The following PIP4K2A variants were observed in gnomAD, a reference collection of about 807,000 sequenced individuals.
The protein encoded by PIP4K2A is phosphatidylinositol-5-phosphate 4-kinase type 2 alpha, also known as phosphatidylinositol 5-phosphate 4-kinase type-2 alpha.
A neutral mutation model predicts 42.9 loss-of-function variants in PIP4K2A; 14 were observed. The observed-to-expected ratio is 0.33, with a 90% CI of 0.22 to 0.51. The LOEUF is 0.51. PIP4K2A is among the 20% of genes least tolerant of loss of function. The pLI is 0.97. For synonymous variants in PIP4K2A, 192 were observed against 192.2 expected (o/e 1.00, Z 0.01); for missense variants, 434 against 519.8 (o/e 0.83, Z 1.61).
chr10:22,572,884 G>A (rs887065386), intron 5 of PIP4K2A, among the ~76,000 whole-genome samples: 1 of 152,000 alleles, frequency 6.6e-6, no homozygotes, highest in Non-Finnish European at 1.5e-5. Flanking sequence ...TTTCTCAGGG[G>A]AACCTTCCCT....
chr10:22,702,859 A>G (rs1228313190), intron 1 of PIP4K2A, among the ~76,000 whole-genome samples: 2 of 152,174 alleles, frequency 1.3e-5, no homozygotes. Context: ...ATCTAAACAC[A>G]CTGTTCTAGA....
In PIP4K2A at chr10:22,561,895, C is replaced by T. The variant is rs917532371; in HGVS notation, c.678+5956G>A. Among the ~76,000 whole-genome samples the T allele has an allele frequency of 7.2e-5, 11 of 151,932 alleles. No homozygotes were observed. The South Asian group carries it at 8.3e-4, about 11-fold the overall frequency. On this transcript the variant is annotated intron_variant, in intron 6 of 9. Transcript: ENST00000376573. ...AGAAAGATTGTTCTTTGTACCATAACGATCATTTGGAAAGGAATATAGTTA... is the reference window on the plus strand; with the variant it reads ...AGAAAGATTGTTCTTTGTACCATAATGATCATTTGGAAAGGAATATAGTTA...
At chr10:22,650,908 C>T (rs1838981250) in intron 1 of PIP4K2A, among the ~76,000 whole-genome samples, 1 of 151,870 alleles carries the variant, frequency 6.6e-6, no homozygotes, top group South Asian at 2.1e-4. Context: ...TCCAAGTGGT[C>T]TGGCTCGAGC....
chr10:22,704,959 C>G (rs941095637), intron 1 of PIP4K2A, among the ~76,000 whole-genome samples: 2 of 152,156 alleles, frequency 1.3e-5, no homozygotes, highest in Admixed American at 6.5e-5. Flanking sequence ...CCAGGCAGGG[C>G]AGCCCCTCCA....
intron 4 of PIP4K2A, among the ~76,000 whole-genome samples, chr10:22,580,003 G>GC (rs1837225786): frequency 1.3e-5 from 2 of 151,918 alleles, no homozygotes; most frequent in Non-Finnish European, 2.9e-5. Context: ...CATGACTCAA[G>GC]CAGGGCCAAG....
chr10:22,626,797 C>T (rs1838449862), intron 1 of PIP4K2A, among the ~76,000 whole-genome samples: 1 of 152,010 alleles, frequency 6.6e-6, no homozygotes, highest in Non-Finnish European at 1.5e-5. Context: ...TGTATACTCA[C>T]AAAAAAATAC....
intron 6 of PIP4K2A, among the ~76,000 whole-genome samples, chr10:22,551,198 C>T (rs1258890664): frequency 6.6e-6 from 1 of 152,118 alleles, no homozygotes; most frequent in African/African-American, 2.4e-5. Flanking sequence ...TTTGGGGAGC[C>T]GTTGCTGGGC....
intron 1 of PIP4K2A, among the ~76,000 whole-genome samples, chr10:22,664,214 TATAC>T (rs1401714307): frequency 1.5e-4 from 8 of 52,032 alleles, no homozygotes; most frequent in Non-Finnish European, 2.2e-4. Flanking sequence ...CATATATATA[TATAC>T]ATATATATAT....
chr10:22,625,934 G>T (rs1838426653), intron 1 of PIP4K2A, among the ~76,000 whole-genome samples: 1 of 152,288 alleles, frequency 6.6e-6, no homozygotes, highest in East Asian at 1.9e-4. Flanking sequence ...GTCACAAGAA[G>T]AAAAGGTAGA....
At chr10:22,613,578 G>A (rs1159475109) in intron 1 of PIP4K2A, among the ~76,000 whole-genome samples, 1 of 152,202 alleles carries the variant, frequency 6.6e-6, no homozygotes, top group Non-Finnish European at 1.5e-5. Flanking sequence ...TGCTAAGAGT[G>A]AGAAGCAGGC....
chr10:22,552,157 G>A lies in PIP4K2A; in HGVS notation c.679-1385C>T, dbSNP rs536433127. ...ATTCAATTCAATCAGCAGTTACTGA[G>A]TGAGTCAAGTAGAGAGATGCAAATA... On this transcript the variant is annotated intron_variant, in intron 6 of 9. Coordinates refer to ENST00000376573, the MANE Select transcript of PIP4K2A (RefSeq NM_005028.5). Among the ~76,000 whole-genome samples, 8 of 152,318 alleles carry A rather than the reference G, an allele frequency of 5.3e-5. No individual in the cohort carries two copies. The South Asian group carries it at 6.2e-4, about 12-fold the overall frequency.
Position 22,622,972 on chromosome 10 carries a change from C to G in PIP4K2A, c.145-13255G>C, listed in dbSNP as rs142293393. 1.4e-3 allele frequency among the ~76,000 whole-genome samples: 220 copies of G among 152,276 alleles called. 1 individual carries two copies. The highest frequency in any genetic ancestry group is 4.9e-3 in the African/African-American group (203 of 41,558). On this transcript the variant is annotated intron_variant, in intron 1 of 9. Transcript: ENST00000376573. ...GATGGTGTGAGAGAGCCAGCATCAT[C>G]TGCCTTGGCAGAAACTCAAAAGAAA...
intron 1 of PIP4K2A, among the ~76,000 whole-genome samples, chr10:22,710,113 T>C (rs1017670225): frequency 2.6e-5 from 4 of 151,828 alleles, no homozygotes; most frequent in African/African-American, 7.3e-5. Context: ...TCTTTGTCTA[T>C]TCCAAAAACC....
chr10:22,569,935 T>C (rs1353716996), intron 5 of PIP4K2A, among the ~76,000 whole-genome samples: 1 of 152,144 alleles, frequency 6.6e-6, no homozygotes, highest in Non-Finnish European at 1.5e-5. Context: ...AGTTTATCTA[T>C]GCCACAAGCC....
intron 9 of PIP4K2A, 136 bp downstream of exon 9, chr10:22,539,835 T>G: frequency 2.8e-6 from 2 of 703,384 alleles, no homozygotes; most frequent in South Asian, 1.6e-5. Flanking sequence ...AGAAAGCAGC[T>G]CAGTGGCAGA....
At position 22,567,580 on chromosome 10, in the gene PIP4K2A, G is replaced by A. The variant is rs776583024; in HGVS notation, c.678+271C>T. 3 of 684,836 alleles carry A rather than the reference G, an allele frequency of 4.4e-6. No homozygotes were observed. The Admixed American group carries it at 6.1e-5, about 14-fold the overall frequency. The allele number at this position is 684,836 out of a possible 1,614,324, so 42.4% of individuals were successfully genotyped here. On this transcript the variant is annotated intron_variant, in intron 6 of 9. Coordinates refer to ENST00000376573, the MANE Select transcript of PIP4K2A (RefSeq NM_005028.5). ...TCGATTATAGGTTTACTGCACAGGT[G>A]GCTGTGTTTTTCAAGAGCAAGTTGC...
chr10:22,664,048 C>CATATATATATATATACATAT (rs1554807162), intron 1 of PIP4K2A, among the ~76,000 whole-genome samples: 5 of 76,808 alleles, frequency 6.5e-5, no homozygotes, highest in African/African-American at 4.2e-4. Flanking sequence ...TATATATATA[C>CATATATATATATATACATAT]ATATGTATAT....
intron 1 of PIP4K2A, among the ~76,000 whole-genome samples, chr10:22,621,640 T>G (rs2130744735): frequency 6.6e-6 from 1 of 152,328 alleles, no homozygotes; most frequent in East Asian, 1.9e-4. Flanking sequence ...TGTCCCTGGG[T>G]ACCCCAGATA....
At position 22,714,468 on chromosome 10, in the gene PIP4K2A, G is replaced by GCGCTCAGCCCCACTCGGCT. The variant is rs1833973693; in HGVS notation, c.-161_-143dup. ...CTCCGCTCCGCCCGCCGCCGCCGGC[G>GCGCTCAGCCCCACTCGGCT]CGCTCAGCCCCACTCGGCTCGCTCC... On this transcript the variant is annotated 5_prime_UTR_variant, in exon 1 of 10. Transcript: ENST00000376573. 3.0e-6 allele frequency: 1 copy of GCGCTCAGCCCCACTCGGCT among 327,902 alleles called. No homozygotes were observed. The highest frequency in any genetic ancestry group is 4.3e-6 in the Non-Finnish European group (1 of 231,116). 20.3% of individuals were successfully genotyped at this position (327,902 alleles called of 1,614,324 possible).
Sources: allele counts gnomAD v4.1 joint callset (sites outside exome capture counted in the v4.1 genomes callset), GRCh38; gene constraint gnomAD v4.1.1; transcripts MANE v1.5; gene names NCBI Gene and HGNC (gene_info 2026-07-23, HGNC 2026-07-21).